The following PMS1 variants were observed in gnomAD, a reference collection of about 807,000 sequenced individuals.
PMS1 encodes PMS1 protein homolog 1.
In PMS1, 79 loss-of-function variants were observed where a neutral mutation model predicts 93.1. The ratio of observed to expected loss-of-function variants is 0.85; its 90% CI spans 0.71 to 1.02. The LOEUF is 1.02. Ranked by LOEUF, PMS1 falls within the 50% of genes least tolerant of loss-of-function variation. The pLI, the probability that PMS1 is intolerant of heterozygous loss-of-function variation, is 0.00. For synonymous variants in PMS1, 335 were observed against 363.4 expected, an observed-to-expected ratio of 0.92 and a Z score of 0.89; for missense variants, 1,064 against 1,085.3, an observed-to-expected ratio of 0.98 and a Z score of 0.28.
chr2:189,847,167 A>G (rs2054327284), intron 6 of PMS1, among the ~76,000 whole-genome samples: 1 of 152,062 alleles, frequency 6.6e-6, no homozygotes, highest in Non-Finnish European at 1.5e-5. Context: ...CTTCTATTTG[A>G]AAGTTCTTAG....
intron 5 of PMS1, among the ~76,000 whole-genome samples, chr2:189,833,648 T>G (rs906028234): frequency 1.3e-5 from 2 of 152,160 alleles, no homozygotes; most frequent in Admixed American, 1.3e-4. Flanking sequence ...AACTGATACT[T>G]TTTCATTAGG....
At chr2:189,787,023 A>G (rs1367792702) in intron 1 of PMS1, among the ~76,000 whole-genome samples, 1 of 152,218 alleles carries the variant, frequency 6.6e-6, no homozygotes, top group Non-Finnish European at 1.5e-5. Flanking sequence ...ATTGCATTTC[A>G]GCCTGGGCAA....
At chr2:189,834,200 G>C (rs1228380810) in intron 5 of PMS1, among the ~76,000 whole-genome samples, 1 of 152,220 alleles carries the variant, frequency 6.6e-6, no homozygotes, top group Non-Finnish European at 1.5e-5. Flanking sequence ...ATTATTAGAG[G>C]AAGTGGCCTT....
intron 10 of PMS1, among the ~76,000 whole-genome samples, chr2:189,864,700 A>G (rs1227035872): frequency 2.6e-5 from 1 of 38,772 alleles, no homozygotes. Context: ...ATATATATAT[A>G]TATATATATA....
chr2:189,801,010 GT>G lies in PMS1; in HGVS notation c.316-4638del, dbSNP rs1041465388. 4.1e-4 allele frequency among the ~76,000 whole-genome samples: 62 copies of G among 152,086 alleles called. 1 individual carries two copies. Among genetic ancestry groups the G allele is most frequent in the Admixed American group, 3.1e-3 (47 of 15,272 alleles). The stretch of plus-strand genomic sequence containing the variant: ...TCCAAAGAAGTAAAGCATTATTTTT[GT>G]TTTGTTTTGTTTTATAATTTTTATA... On this transcript the variant is annotated intron_variant, in intron 3 of 12. Transcript: ENST00000441310.
intron 4 of PMS1, among the ~76,000 whole-genome samples, chr2:189,807,940 CTTAATT>C (rs1349382401): frequency 6.6e-6 from 1 of 151,958 alleles, no homozygotes; most frequent in African/African-American, 2.4e-5. Flanking sequence ...AAGTTAAAGT[CTTAATT>C]TTAAGTTGTT....
chr2:189,864,690 ATATAT>A (rs1559324756), intron 10 of PMS1, among the ~76,000 whole-genome samples: 11 of 8,390 alleles, frequency 1.3e-3, no homozygotes, highest in South Asian at 5.9e-3. Flanking sequence ...AAAAAAAAAT[ATATAT>A]ATATATATAT....
chr2:189,836,071 T>C (rs992787621), intron 5 of PMS1, among the ~76,000 whole-genome samples: 3 of 152,228 alleles, frequency 2.0e-5, no homozygotes, highest in Non-Finnish European at 2.9e-5. Flanking sequence ...TTGACTTTGC[T>C]CAAGCAGTTT....
chr2:189,835,906 CAAA>C (rs3067429), intron 5 of PMS1, among the ~76,000 whole-genome samples: 15 of 86,966 alleles, frequency 1.7e-4, no homozygotes, highest in South Asian at 8.6e-4. Context: ...TAGCCTGTCT[CAAA>C]AAAAAAAAAA....
intron 3 of PMS1, among the ~76,000 whole-genome samples, chr2:189,801,284 T>C (rs2049866755): frequency 6.6e-6 from 1 of 152,228 alleles, no homozygotes; most frequent in Admixed American, 6.5e-5. Flanking sequence ...TTTAAAATCA[T>C]AACAGCAAGC....
intron 4 of PMS1, among the ~76,000 whole-genome samples, chr2:189,810,355 T>A (rs1357416903): frequency 6.6e-6 from 1 of 152,206 alleles, no homozygotes; most frequent in Non-Finnish European, 1.5e-5. Context: ...GAAGTTTAAA[T>A]GAACAAAGCT....
intron 6 of PMS1, among the ~76,000 whole-genome samples, chr2:189,844,305 A>C (rs1380828546): frequency 6.6e-6 from 1 of 152,148 alleles, no homozygotes; most frequent in Non-Finnish European, 1.5e-5. Context: ...TTTCAAAAAA[A>C]TTATGTTCAA....
At chr2:189,853,174 C>T (rs1264225507) in intron 7 of PMS1, among the ~76,000 whole-genome samples, 1 of 151,958 alleles carries the variant, frequency 6.6e-6, no homozygotes, top group Non-Finnish European at 1.5e-5. Flanking sequence ...CTGCCTCAGC[C>T]TCACAAGTAG....
In PMS1 at chr2:189,863,750, GAGA is replaced by G; in HGVS notation, c.1867_1869del (p.Lys623del). 2 of 1,583,228 alleles carry G rather than the reference GAGA, an allele frequency of 1.3e-6. No individual in the cohort carries two copies. Among genetic ancestry groups the G allele is most frequent in the Non-Finnish European group, 1.7e-6 (2 of 1,152,204 alleles). On this transcript the variant is annotated inframe_deletion, in exon 10 of 13. Transcript: ENST00000441310. ...TTTTATTTCTATTCTTAGATATGAAGAGAAGGCTACTAAAGACTTGGAACGATA... is the reference window on the plus strand; with the variant it reads ...TTTTATTTCTATTCTTAGATATGAAGAGGCTACTAAAGACTTGGAACGATA...
intron 5 of PMS1, among the ~76,000 whole-genome samples, chr2:189,834,141 A>G (rs991813963): frequency 4.6e-5 from 7 of 152,180 alleles, no homozygotes; most frequent in African/African-American, 1.4e-4. Context: ...GTTAATTGCT[A>G]TTGTTATTGA....
intron 12 of PMS1, among the ~76,000 whole-genome samples, chr2:189,875,510 C>T (rs747094859): frequency 5.3e-5 from 8 of 151,986 alleles, no homozygotes; most frequent in Non-Finnish European, 1.0e-4. Context: ...CAAGGGTCTG[C>T]TGTGGTAGGA....
intron 9 of PMS1, among the ~76,000 whole-genome samples, chr2:189,858,769 A>G (rs2055632579): frequency 6.6e-6 from 1 of 152,158 alleles, no homozygotes; most frequent in African/African-American, 2.4e-5. Flanking sequence ...GTAGAAAATA[A>G]CTTTAAAATT....
intron 9 of PMS1, among the ~76,000 whole-genome samples, chr2:189,863,119 T>G (rs534226413): frequency 2.6e-5 from 4 of 152,254 alleles, no homozygotes; most frequent in Admixed American, 6.5e-5. Context: ...TTTTCACCCC[T>G]CAAGGAGTGA....
intron 3 of PMS1, 43 bp downstream of exon 3, chr2:189,795,994 T>C (rs1433362414): frequency 1.6e-6 from 2 of 1,281,672 alleles, no homozygotes; most frequent in Non-Finnish European, 1.1e-6. Flanking sequence ...TCATATTCAC[T>C]GAACATTACA....
Sources: allele counts gnomAD v4.1 joint callset (sites outside exome capture counted in the v4.1 genomes callset), GRCh38; gene constraint gnomAD v4.1.1; transcripts MANE v1.5; gene names NCBI Gene and HGNC (gene_info 2026-07-23, HGNC 2026-07-21).